Variants in ANKRD34C observed in about 807,000 individuals in gnomAD.
ANKRD34C encodes ankyrin repeat domain 34C, also known as ankyrin repeat domain-containing protein 34C.
For missense variants in ANKRD34C, 563 were observed against 653.0 expected, an observed-to-expected ratio of 0.86 and a Z score of 1.50; for synonymous variants, 260 against 253.6, an observed-to-expected ratio of 1.03 and a Z score of -0.24.
Position 79,294,937 on chromosome 15 carries a change from G to A in ANKRD34C, c.*45G>A. The stretch of plus-strand genomic sequence containing the variant: ...AATAGTCAATATAGTTTATGGAAGG[G>A]ACTATGGATGAGACTGCTTCCTGAT... On this transcript the variant is annotated 3_prime_UTR_variant, in exon 2 of 2. Transcript: ENST00000421388. The A allele has an allele frequency of 6.8e-7, 1 of 1,466,438 alleles. No homozygotes were observed. Among genetic ancestry groups the A allele is most frequent in the Non-Finnish European group, 9.0e-7 (1 of 1,108,960 alleles). 90.8% of individuals were successfully genotyped at this position (1,466,438 alleles called of 1,614,324 possible). A position where few individuals can be genotyped will look rare whatever the true frequency, so the allele number is the denominator to read the frequency against.
intron 1 of ANKRD34C, chr15:79,283,833 C>G (rs1430013071): frequency 1.3e-5 from 2 of 152,238 alleles, no homozygotes; most frequent in Non-Finnish European, 2.9e-5. Flanking sequence ...TCCCTAGCCC[C>G]CGGCCAACGC....
chr15:79,290,625 G>A (rs2058656727), intron 1 of ANKRD34C, among the ~76,000 whole-genome samples: 1 of 152,168 alleles, frequency 6.6e-6, no homozygotes, highest in South Asian at 2.1e-4. Flanking sequence ...TCTTTACACA[G>A]CAGCTGGGTT....
At position 79,297,025 on chromosome 15, in the gene ANKRD34C, AT is replaced by A. The variant is rs1298847941; in HGVS notation, c.*2134del. The A allele has an allele frequency of 1.2e-5, 2 of 167,118 alleles. No individual in the cohort carries two copies. The highest frequency in any genetic ancestry group is 2.9e-5 in the Non-Finnish European group (2 of 68,130). 10.4% of individuals were successfully genotyped at this position (167,118 alleles called of 1,614,324 possible). ...CAAACACACTCCAACATGTGTGCTA[AT>A]GGTCTCATACTTTGTAGGAAGGGAA... On this transcript the variant is annotated 3_prime_UTR_variant, in exon 2 of 2. Coordinates refer to ENST00000421388, the MANE Select transcript of ANKRD34C (RefSeq NM_001146341.2).
At position 79,293,142 on chromosome 15, in the gene ANKRD34C, T is replaced by C. The variant is rs2058663781; in HGVS notation, c.-44-99T>C. 4.7e-6 allele frequency: 4 copies of C among 852,016 alleles called. No individual in the cohort carries two copies. In the East Asian group the frequency reaches 1.1e-4, roughly 24 times the overall value. 52.8% of individuals were successfully genotyped at this position (852,016 alleles called of 1,614,324 possible). On this transcript the variant is annotated intron_variant, in intron 1 of 1. Coordinates refer to ENST00000421388, the MANE Select transcript of ANKRD34C (RefSeq NM_001146341.2). ...TTGGCCAAGTCAATGTAAGTTGGGA[T>C]CAGGTTGGGATATGACTGTACCCAG...
intron 1 of ANKRD34C, among the ~76,000 whole-genome samples, chr15:79,290,164 A>G (rs1312756373): frequency 1.4e-5 from 2 of 142,262 alleles, no homozygotes; most frequent in Non-Finnish European, 3.0e-5. Context: ...AGCTAGGCCT[A>G]TATGTGCAAG....
chr15:79,293,098 C>A (rs1387800617), intron 1 of ANKRD34C, among the ~76,000 whole-genome samples, 143 bp from the exon 2 acceptor site: 2 of 152,204 alleles, frequency 1.3e-5, no homozygotes, highest in Non-Finnish European at 2.9e-5. Context: ...CAGAAACTAA[C>A]TCAGCAATGT....
chr15:79,291,087 G>A (rs185769760), intron 1 of ANKRD34C, among the ~76,000 whole-genome samples: 121 of 152,292 alleles, frequency 7.9e-4, no homozygotes, highest in Admixed American at 7.4e-3. Flanking sequence ...ATGAGTCACT[G>A]TAATTTCACT....
At chr15:79,284,768 A>C (rs1224965269) in intron 1 of ANKRD34C, among the ~76,000 whole-genome samples, 1 of 152,146 alleles carries the variant, frequency 6.6e-6, no homozygotes, top group Admixed American at 6.5e-5. Flanking sequence ...GGGTTATTCT[A>C]CTTGTTTGGC....
chr15:79,288,982 G>A (rs145135834), intron 1 of ANKRD34C, among the ~76,000 whole-genome samples: 1,617 of 151,948 alleles, frequency 0.011, 32 homozygotes, highest in African/African-American at 0.037. Context: ...CACCACGCCT[G>A]GCTAATTTTT....
intron 1 of ANKRD34C, among the ~76,000 whole-genome samples, chr15:79,288,977 C>A (rs572404687): frequency 1.6e-4 from 24 of 151,972 alleles, no homozygotes; most frequent in African/African-American, 5.3e-4. Context: ...TGTGCCACCA[C>A]GCCTGGCTAA....
intron 1 of ANKRD34C, among the ~76,000 whole-genome samples, chr15:79,285,627 G>A (rs72739009): frequency 0.064 from 9,757 of 152,250 alleles, 418 homozygotes; most frequent in Middle Eastern, 0.15. Flanking sequence ...ACACAAACCC[G>A]CATCCCTATA....
Position 79,297,925 on chromosome 15 carries a change from A to C in ANKRD34C, c.*3033A>C, listed in dbSNP as rs960402322. ...AAAATATATTACAGAATGTGAGACT[A>C]AAGTTTAAAGTCTGGACCTTTGGTT... On this transcript the variant is annotated 3_prime_UTR_variant, in exon 2 of 2. Transcript: ENST00000421388. 3 of 166,318 alleles carry C rather than the reference A, an allele frequency of 1.8e-5. No homozygotes were observed. Among genetic ancestry groups the C allele is most frequent in the Non-Finnish European group, 4.4e-5 (3 of 68,110 alleles). The allele number at this position is 166,318 out of a possible 1,614,324, so 10.3% of individuals were successfully genotyped here.
Position 79,293,268 on chromosome 15 carries a change from T to C in ANKRD34C, c.-17T>C. 6.7e-7 allele frequency: 1 copy of C among 1,493,326 alleles called. No homozygotes were observed. 92.5% of individuals were successfully genotyped at this position (1,493,326 alleles called of 1,614,324 possible). A position where few individuals can be genotyped will look rare whatever the true frequency, so the allele number is the denominator to read the frequency against. On this transcript the variant is annotated 5_prime_UTR_variant, in exon 2 of 2. Coordinates refer to ENST00000421388, the MANE Select transcript of ANKRD34C (RefSeq NM_001146341.2). The stretch of plus-strand genomic sequence containing the variant: ...TTGATTGCTACTGTGGCTCAGGTCC[T>C]CTAAACTGTAGCCAATATGATGGAT...
Position 79,296,271 on chromosome 15 carries a change from C to A in ANKRD34C, c.*1379C>A, listed in dbSNP as rs380288. On this transcript the variant is annotated 3_prime_UTR_variant, in exon 2 of 2. Transcript: ENST00000421388. ...GAGGCAGCTTAACTTCTCTTAGTCT[C>A]TGTTCCCTCATCTGTAAAATAGGAT... is the stretch of plus-strand genomic sequence containing the variant. 6.0e-6 allele frequency: 1 copy of A among 166,776 alleles called. No individual in the cohort carries two copies. The highest frequency in any genetic ancestry group is 2.4e-5 in the African/African-American group (1 of 41,462). 10.3% of individuals were successfully genotyped at this position (166,776 alleles called of 1,614,324 possible).
At position 79,293,065 on chromosome 15, in the gene ANKRD34C, G is replaced by A. The variant is rs368963631; in HGVS notation, c.-44-176G>A. 2.2e-4 allele frequency among the ~76,000 whole-genome samples: 34 copies of A among 152,238 alleles called. 1 individual carries two copies. In the South Asian group the frequency reaches 3.9e-3, roughly 18 times the overall value. On this transcript the variant is annotated intron_variant, in intron 1 of 1. Transcript: ENST00000421388. Reference sequence around the variant, plus strand: ...AGGTTACTACTATCACCCCCCCTGCGTCATGACACACTATTACAGATGCAG... The same window carrying A: ...AGGTTACTACTATCACCCCCCCTGCATCATGACACACTATTACAGATGCAG...
rs527508995 is a variant in ANKRD34C at position 79,282,906 on chromosome 15, AAAACCAAACC to A, written c.-351_-342del. On this transcript the variant is annotated 5_prime_UTR_variant, in exon 1 of 2. Coordinates refer to ENST00000421388, the MANE Select transcript of ANKRD34C (RefSeq NM_001146341.2). ...TCTTTCATGCTTCTTTCTTTTTCTT[AAAACCAAACC>A]AAACCAAACCAAACCCAAAACTCCC... Among the ~76,000 whole-genome samples, 2 of 152,214 alleles carry A rather than the reference AAAACCAAACC, an allele frequency of 1.3e-5. No individual in the cohort carries two copies. The highest frequency in any genetic ancestry group is 4.8e-5 in the African/African-American group (2 of 41,458).
At chr15:79,285,977 AT>A (rs1294982222) in intron 1 of ANKRD34C, among the ~76,000 whole-genome samples, 8 of 152,232 alleles carry the variant, frequency 5.3e-5, no homozygotes, top group African/African-American at 1.9e-4. Context: ...CTTAAAAAAT[AT>A]AAGACATCTT....
chr15:79,291,035 T>G (rs144253377), intron 1 of ANKRD34C, among the ~76,000 whole-genome samples: 1 of 152,330 alleles, frequency 6.6e-6, no homozygotes, highest in African/African-American at 2.4e-5. Context: ...GTATCCTCTT[T>G]TGGAGGAAGT....
rs2141198466 is a variant in ANKRD34C, at chr15:79,282,864, G to A, written c.-409G>A. 6.6e-6 allele frequency among the ~76,000 whole-genome samples: 1 copy of A among 152,376 alleles called. No homozygotes were observed. Among genetic ancestry groups the A allele is most frequent in the African/African-American group, 2.4e-5 (1 of 41,590 alleles). ...CCTGCACACCCGCAGCGCGGAACCG[G>A]GGGCGATTCCTATCTTTCTTTCATG... On this transcript the variant is annotated 5_prime_UTR_variant, in exon 1 of 2. Transcript: ENST00000421388.
Sources: allele counts gnomAD v4.1 joint callset (sites outside exome capture counted in the v4.1 genomes callset), GRCh38; gene constraint gnomAD v4.1.1; transcripts MANE v1.5; gene names NCBI Gene and HGNC (gene_info 2026-07-23, HGNC 2026-07-21).